Variants in SLC5A7 observed in about 807,000 individuals in gnomAD.
SLC5A7 encodes solute carrier family 5 member 7, also known as high affinity choline transporter 1.
In SLC5A7, 19 loss-of-function variants were observed where a neutral mutation model predicts 55.4. The ratio of observed to expected loss-of-function variants is 0.34; its 90% CI spans 0.24 to 0.50. The LOEUF (loss-of-function observed/expected upper bound fraction) is 0.50. Ranked by LOEUF, SLC5A7 falls within the 20% of genes least tolerant of loss-of-function variation. The pLI, the probability that SLC5A7 is intolerant of heterozygous loss-of-function variation, is 0.98. For synonymous variants in SLC5A7, 265 were observed against 263.7 expected (o/e 1.00, Z -0.05); for missense variants, 506 against 705.3 (o/e 0.72, Z 3.20).
chr2:107,992,014 C>T, intron 2 of SLC5A7, 92 bp from the exon 3 acceptor site: 1 of 640,042 alleles, frequency 1.6e-6, no homozygotes, highest in Admixed American at 2.4e-5. Context: ...ATTTCAGGTG[C>T]TCAGTAACTT....
chr2:108,009,323 G>A (rs1237148677), intron 8 of SLC5A7, among the ~76,000 whole-genome samples: 1 of 151,912 alleles, frequency 6.6e-6, no homozygotes, highest in African/African-American at 2.4e-5. Flanking sequence ...CTTGAACAAG[G>A]CATTTTCTTT....
At chr2:108,009,476 C>A (rs1401963502) in intron 8 of SLC5A7, among the ~76,000 whole-genome samples, 1 of 152,014 alleles carries the variant, frequency 6.6e-6, no homozygotes, top group African/African-American at 2.4e-5. Flanking sequence ...CCCACGCCCC[C>A]CAACAGGTCC....
Position 108,006,039 on chromosome 2 carries a change from T to C in SLC5A7, c.742-10T>C, listed in dbSNP as rs2104373298. Reference sequence around the variant, plus strand: ...ATGTTTGCCTCTCCATCCTTGTGTTTCCCGCACAGATGCTGGGTGGAATCC... The same window carrying C: ...ATGTTTGCCTCTCCATCCTTGTGTTCCCCGCACAGATGCTGGGTGGAATCC... On this transcript the variant is annotated splice_polypyrimidine_tract_variant and intron_variant, in intron 6 of 8. Coordinates refer to ENST00000264047, the MANE Select transcript of SLC5A7 (RefSeq NM_021815.5). 3 of 1,614,070 alleles carry C rather than the reference T, an allele frequency of 1.9e-6. No individual in the cohort carries two copies. The highest frequency in any genetic ancestry group is 2.5e-6 in the Non-Finnish European group (3 of 1,179,932).
At position 108,008,403 on chromosome 2, in the gene SLC5A7, C is replaced by T. The variant is rs149073845; in HGVS notation, c.896-62C>T. The T allele has an allele frequency of 5.2e-6, 7 of 1,338,634 alleles. No homozygotes were observed. In the African/African-American group the frequency reaches 7.2e-5, roughly 14 times the overall value. The allele number at this position is 1,338,634 out of a possible 1,614,324, so 82.9% of individuals were successfully genotyped here. A position where few individuals can be genotyped will look rare whatever the true frequency, so the allele number is the denominator to read the frequency against. On this transcript the variant is annotated intron_variant, in intron 7 of 8. Coordinates refer to ENST00000264047, the MANE Select transcript of SLC5A7 (RefSeq NM_021815.5). ...AACAACCTAGTAAATAGGATGACCC[C>T]AGATGGATAAAGAACATTTGGTTCC... is the stretch of plus-strand genomic sequence containing the variant.
intron 6 of SLC5A7, among the ~76,000 whole-genome samples, chr2:108,002,640 AG>A (rs1677958072): frequency 6.6e-6 from 1 of 152,188 alleles, no homozygotes; most frequent in Non-Finnish European, 1.5e-5. Context: ...GGGAACAACC[AG>A]AAGAACTGAC....
chr2:107,992,274 G>A (rs988555688), intron 3 of SLC5A7, 55 bp downstream of exon 3: 4 of 1,020,206 alleles, frequency 3.9e-6, no homozygotes, highest in East Asian at 2.5e-5. Flanking sequence ...CAGAACAAGA[G>A]TATAAATAAC....
intron 8 of SLC5A7, among the ~76,000 whole-genome samples, chr2:108,009,764 A>G (rs956045977): frequency 1.3e-5 from 2 of 152,178 alleles, no homozygotes; most frequent in Non-Finnish European, 2.9e-5. Flanking sequence ...TAGTGCTGCA[A>G]TAAACGTATG....
rs542858988 is a variant in SLC5A7 at position 107,994,594 on chromosome 2, A to T, written c.448+1467A>T. Among the ~76,000 whole-genome samples, 3 of 152,226 alleles carry T rather than the reference A, an allele frequency of 2.0e-5. No homozygotes were observed. The East Asian group carries it at 5.8e-4, about 29-fold the overall frequency. On this transcript the variant is annotated intron_variant, in intron 4 of 8. Coordinates refer to ENST00000264047, the MANE Select transcript of SLC5A7 (RefSeq NM_021815.5). ...GAGTGAGACTCTGTCTCAAAAAGAAAAAAAAAGAAACAACTAGGTGGAAAA... is the reference window on the plus strand; with the variant it reads ...GAGTGAGACTCTGTCTCAAAAAGAATAAAAAAGAAACAACTAGGTGGAAAA...
Position 107,992,029 on chromosome 2 carries a change from T to C in SLC5A7, c.179-77T>C, listed in dbSNP as rs530913452. The C allele has an allele frequency of 4.0e-5, 32 of 796,358 alleles. No individual in the cohort carries two copies. The African/African-American group carries it at 5.1e-4, about 13-fold the overall frequency. 49.3% of individuals were successfully genotyped at this position (796,358 alleles called of 1,614,324 possible). On this transcript the variant is annotated intron_variant, in intron 2 of 8. Coordinates refer to ENST00000264047, the MANE Select transcript of SLC5A7 (RefSeq NM_021815.5). Reference sequence around the variant, plus strand: ...ATTTCAGGTGCTCAGTAACTTCTAGTAGCCACTGGTTTGGCAGGCAGATGT... The same window carrying C: ...ATTTCAGGTGCTCAGTAACTTCTAGCAGCCACTGGTTTGGCAGGCAGATGT...
At chr2:108,007,623 G>T (rs377529321) in intron 7 of SLC5A7, among the ~76,000 whole-genome samples, 7 of 152,038 alleles carry the variant, frequency 4.6e-5, no homozygotes, top group Non-Finnish European at 1.0e-4. Flanking sequence ...TCTCAGTTAA[G>T]GCCACAAAGT....
intron 5 of SLC5A7, among the ~76,000 whole-genome samples, chr2:108,000,960 G>A (rs1277091101): frequency 9.8e-6 from 1 of 101,924 alleles, no homozygotes; most frequent in Non-Finnish European, 1.8e-5. Context: ...ATGGAGTCTT[G>A]CTCTGTTGCC....
chr2:108,006,105 A>G lies in SLC5A7; in HGVS notation c.798A>G (p.Ser266=), dbSNP rs774198377. Residue 266 remains serine (S), a synonymous_variant, in exon 7 of 9, where the codon TCA becomes TCG. Transcript: ENST00000264047. ...AYFQRVLSSS[S]ATYAQVLSFL... is the part of the protein sequence containing the mutation. ...TTCAGAGGGTTCTCTCTTCTTCCTC[A>G]GCCACCTATGCTCAAGTGCTGTCCT... 1.9e-6 allele frequency: 3 copies of G among 1,614,146 alleles called. No individual in the cohort carries two copies. Among genetic ancestry groups the G allele is most frequent in the East Asian group, 2.2e-5 (1 of 44,866 alleles).
At chr2:107,994,321 C>T (rs1288576519) in intron 4 of SLC5A7, among the ~76,000 whole-genome samples, 3 of 152,160 alleles carry the variant, frequency 2.0e-5, no homozygotes, top group Admixed American at 6.5e-5. Context: ...CGGTGGCTCA[C>T]GCCTGTAATC....
intron 6 of SLC5A7, 78 bp downstream of exon 6, chr2:108,002,118 T>G (rs1268759594): frequency 1.3e-6 from 2 of 1,533,610 alleles, no homozygotes; most frequent in Non-Finnish European, 1.8e-6. Flanking sequence ...TTCATATTCA[T>G]AGTAAAAAAA....
At chr2:107,988,023 A>T (rs1677313935) in intron 1 of SLC5A7, 82 bp from the exon 2 acceptor site, 3 of 841,172 alleles carry the variant, frequency 3.6e-6, no homozygotes, top group Non-Finnish European at 5.5e-6. Flanking sequence ...AGGATCTCGC[A>T]TGAGCCAGCT....
intron 4 of SLC5A7, among the ~76,000 whole-genome samples, chr2:107,995,554 G>A (rs1040483949): frequency 6.6e-6 from 1 of 151,502 alleles, no homozygotes; most frequent in Non-Finnish European, 1.5e-5. Context: ...AGCACTGAAA[G>A]TCTAAACTTC....
intron 7 of SLC5A7, 44 bp downstream of exon 7, chr2:108,006,246 A>C: frequency 6.2e-7 from 1 of 1,609,054 alleles, no homozygotes. Context: ...TTAGTTTACC[A>C]ATCCCCACCC....
intron 6 of SLC5A7, among the ~76,000 whole-genome samples, chr2:108,004,390 A>G (rs1678027219): frequency 6.6e-6 from 1 of 152,162 alleles, no homozygotes; most frequent in Non-Finnish European, 1.5e-5. Flanking sequence ...TTACTTTTGA[A>G]CATATATGGC....
At chr2:108,004,925 T>C (rs1394909968) in intron 6 of SLC5A7, among the ~76,000 whole-genome samples, 1 of 152,202 alleles carries the variant, frequency 6.6e-6, no homozygotes, top group Non-Finnish European at 1.5e-5. Flanking sequence ...GTTTATCATT[T>C]TAATTCCCAT....
Sources: gnomAD v4.1 joint callset for allele counts (sites outside exome capture counted in the v4.1 genomes callset) on GRCh38, gnomAD v4.1.1 for gene constraint, MANE v1.5 for transcripts, NCBI Gene and HGNC (gene_info 2026-07-23, HGNC 2026-07-21) for gene names.